ARNT2: variants seen among roughly 807,000 people sequenced by gnomAD.
ARNT2 encodes the protein aryl hydrocarbon receptor nuclear translocator 2.
In ARNT2, 36 loss-of-function variants were observed where a neutral mutation model predicts 91.7. The observed-to-expected ratio is 0.39, with a 90% CI of 0.30 to 0.52. The LOEUF (loss-of-function observed/expected upper bound fraction) is 0.52, where lower values mean the gene tolerates loss of function less well. Among genes scored for constraint, ARNT2 ranks in the 20% least tolerant of loss-of-function variants. The pLI is 0.72. For synonymous variants in ARNT2, 365 were observed against 347.1 expected, an observed-to-expected ratio of 1.05 and a Z score of -0.57; for missense variants, 775 against 939.3, an observed-to-expected ratio of 0.83 and a Z score of 2.29.
intron 1 of ARNT2, among the ~76,000 whole-genome samples, chr15:80,419,143 C>T (rs1002129345): frequency 6.6e-6 from 1 of 152,088 alleles, no homozygotes; most frequent in Non-Finnish European, 1.5e-5. Context: ...CAAACTTGAC[C>T]CAGGGATCAC....
At chr15:80,484,274 A>G (rs1896932412) in intron 5 of ARNT2, among the ~76,000 whole-genome samples, 1 of 151,992 alleles carries the variant, frequency 6.6e-6, no homozygotes, top group Non-Finnish European at 1.5e-5. Flanking sequence ...AAGCATTTTT[A>G]TGGCAAGAAA....
At chr15:80,593,377 C>A (rs760937780) in intron 18 of ARNT2, among the ~76,000 whole-genome samples, 2 of 152,358 alleles carry the variant, frequency 1.3e-5, no homozygotes, top group Middle Eastern at 3.4e-3. Flanking sequence ...GTCCTAATGC[C>A]GTTTACCTGC....
intron 8 of ARNT2, among the ~76,000 whole-genome samples, chr15:80,531,871 C>G (rs1897746020): frequency 2.0e-5 from 3 of 152,136 alleles, no homozygotes; most frequent in Admixed American, 1.3e-4. Flanking sequence ...CTCAGCTGAC[C>G]CTAACGTCTC....
chr15:80,568,949 CGCGT>C (rs1567004273), intron 12 of ARNT2, among the ~76,000 whole-genome samples: 1 of 152,072 alleles, frequency 6.6e-6, no homozygotes, highest in African/African-American at 2.4e-5. Flanking sequence ...CACACACACG[CGCGT>C]GCACACACAT....
Position 80,591,856 on chromosome 15 carries a change from C to T in ARNT2, c.2055+152C>T, listed in dbSNP as rs1893286343. Reference sequence around the variant, plus strand: ...GAGGGAGTCCAGGAGTAGAAAGCCCCATCCTACCCAGCCAGAAACGTCAGG... The same window carrying T: ...GAGGGAGTCCAGGAGTAGAAAGCCCTATCCTACCCAGCCAGAAACGTCAGG... On this transcript the variant is annotated intron_variant, in intron 18 of 18. Coordinates refer to ENST00000303329, the MANE Select transcript of ARNT2 (RefSeq NM_014862.4). The surrounding 1 kb of genome is among the most constrained non-coding windows in gnomAD (Gnocchi z 5.1). The T allele has an allele frequency of 7.9e-7, 1 of 1,264,050 alleles. No individual in the cohort carries two copies. The highest frequency in any genetic ancestry group is 1.5e-5 in the African/African-American group (1 of 66,546). The allele number at this position is 1,264,050 out of a possible 1,614,324, so 78.3% of individuals were successfully genotyped here.
At chr15:80,535,582 G>A (rs750384862) in intron 8 of ARNT2, among the ~76,000 whole-genome samples, 1 of 152,094 alleles carries the variant, frequency 6.6e-6, no homozygotes. Flanking sequence ...TTTTCTACTG[G>A]GGGATTTGTG....
At chr15:80,405,832 A>G (rs942933410) in intron 1 of ARNT2, among the ~76,000 whole-genome samples, 5 of 152,148 alleles carry the variant, frequency 3.3e-5, no homozygotes, top group African/African-American at 7.2e-5. Context: ...CTCTCTCCAC[A>G]TTAAGGGAGA....
At chr15:80,562,991 T>C (rs1319538101) in intron 11 of ARNT2, 97 bp from the exon 12 acceptor site, 1 of 1,386,046 alleles carries the variant, frequency 7.2e-7, no homozygotes, top group South Asian at 1.2e-5. Flanking sequence ...GAGGTCCTGC[T>C]GGCCCCTGCC....
intron 3 of ARNT2, among the ~76,000 whole-genome samples, chr15:80,459,764 T>G (rs1160756671): frequency 6.6e-6 from 1 of 152,248 alleles, no homozygotes; most frequent in Non-Finnish European, 1.5e-5. Flanking sequence ...CAGGCATCTG[T>G]GAACCATATC....
At chr15:80,418,995 C>CTTCTTGAGGGGAGCGTCT (rs1895824702) in intron 1 of ARNT2, among the ~76,000 whole-genome samples, 1 of 152,144 alleles carries the variant, frequency 6.6e-6, no homozygotes, top group African/African-American at 2.4e-5. Context: ...CATTTAGAGG[C>CTTCTTGAGGGGAGCGTCT]TTCTTGAGGG....
intron 1 of ARNT2, among the ~76,000 whole-genome samples, chr15:80,439,288 C>T (rs1255673116): frequency 1.3e-5 from 2 of 152,058 alleles, no homozygotes; most frequent in Admixed American, 6.6e-5. Flanking sequence ...ATGCTGTAGA[C>T]GTAGAGATGG....
chr15:80,461,515 A>C (rs527617189), intron 3 of ARNT2, among the ~76,000 whole-genome samples: 20 of 152,260 alleles, frequency 1.3e-4, no homozygotes, highest in Non-Finnish European at 1.8e-4. Flanking sequence ...AAAAGTAGGA[A>C]GTTGTGGTCA....
At position 80,596,316 on chromosome 15, in the gene ARNT2, C is replaced by A. The variant is rs1363160568; in HGVS notation, c.*2618C>A. ...TTCCCTTCCAGCTCTGTCCTAGGAG[C>A]ATAGGCGGGAAATCTGAGTAGAGTC... On this transcript the variant is annotated 3_prime_UTR_variant, in exon 19 of 19. Coordinates refer to ENST00000303329, the MANE Select transcript of ARNT2 (RefSeq NM_014862.4). 6.6e-6 allele frequency: 1 copy of A among 152,146 alleles called. No homozygotes were observed. The highest frequency in any genetic ancestry group is 6.5e-5 in the Admixed American group (1 of 15,268). 9.4% of individuals were successfully genotyped at this position (152,146 alleles called of 1,614,324 possible).
chr15:80,475,607 T>C (rs1355605720), intron 5 of ARNT2: 2 of 169,608 alleles, frequency 1.2e-5, no homozygotes, highest in Non-Finnish European at 2.5e-5. Flanking sequence ...GCCAGGAAAC[T>C]GGAGGCCATA....
chr15:80,470,202 C>A lies in ARNT2; in HGVS notation c.195-16C>A, dbSNP rs79685127. 2 of 1,610,556 alleles carry A rather than the reference C, an allele frequency of 1.2e-6. No individual in the cohort carries two copies. Among genetic ancestry groups the A allele is most frequent in the Non-Finnish European group, 1.7e-6 (2 of 1,177,644 alleles). ...CTCTTTTTTCCCCCTCTCCTGATCT[C>A]GTGCTTTCTGGAAAGAGAGAATCAT... On this transcript the variant is annotated splice_polypyrimidine_tract_variant and intron_variant, in intron 3 of 18. Coordinates refer to ENST00000303329, the MANE Select transcript of ARNT2 (RefSeq NM_014862.4).
chr15:80,439,810 T>C (rs1222820645), intron 1 of ARNT2, among the ~76,000 whole-genome samples: 2 of 152,200 alleles, frequency 1.3e-5, no homozygotes, highest in African/African-American at 4.8e-5. Context: ...CCCTCAGGTA[T>C]CTGAAGACAG....
At chr15:80,455,395 A>T (rs1330661762) in intron 2 of ARNT2, among the ~76,000 whole-genome samples, 1 of 152,104 alleles carries the variant, frequency 6.6e-6, no homozygotes, top group Non-Finnish European at 1.5e-5. Context: ...TCCCAGACAA[A>T]TGCTGGTTCC....
chr15:80,409,078 T>A (rs536744964), intron 1 of ARNT2, among the ~76,000 whole-genome samples: 1 of 152,294 alleles, frequency 6.6e-6, no homozygotes, highest in East Asian at 1.9e-4. Flanking sequence ...TGACACATCA[T>A]TATCACCCAA....
At chr15:80,478,825 T>A (rs1292574357) in intron 5 of ARNT2, among the ~76,000 whole-genome samples, 1 of 152,216 alleles carries the variant, frequency 6.6e-6, no homozygotes, top group Non-Finnish European at 1.5e-5. Flanking sequence ...AGCATAATTT[T>A]AAAATTGTAT....
Sources: allele counts gnomAD v4.1 joint callset (sites outside exome capture counted in the v4.1 genomes callset), GRCh38; gene constraint gnomAD v4.1.1; non-coding constraint Gnocchi (gnomAD v3.1); transcripts MANE v1.5; gene names NCBI Gene and HGNC (gene_info 2026-07-23, HGNC 2026-07-21).